NEDD9: variants seen among roughly 807,000 people sequenced by gnomAD.
The protein encoded by NEDD9 is neural precursor cell expressed, developmentally down-regulated 9.
Under a neutral mutation model 76.6 loss-of-function variants are expected in NEDD9, and 26 were observed. That is an observed-to-expected ratio of 0.34 (90% CI 0.25 to 0.47). The LOEUF (loss-of-function observed/expected upper bound fraction) is 0.47, where lower values mean the gene tolerates loss of function less well. Ranked by LOEUF, NEDD9 falls within the 20% of genes least tolerant of loss-of-function variation. The pLI, the probability that NEDD9 is intolerant of heterozygous loss-of-function variation, is 1.00. For missense variants in NEDD9, 937 were observed against 1,058.5 expected (o/e 0.89, Z 1.59); for synonymous variants, 392 against 414.2 (o/e 0.95, Z 0.65).
At chr6:11,240,188 C>T (rs1759685632) in intron 3 of NEDD9, among the ~76,000 whole-genome samples, 1 of 152,086 alleles carries the variant, frequency 6.6e-6, no homozygotes, top group Non-Finnish European at 1.5e-5. Context: ...GGACAAGCTG[C>T]CTGGGGTGGG....
Position 11,278,382 on chromosome 6 carries a change from G to A in NEDD9, c.12+27610C>T, listed in dbSNP as rs57134810. Among the ~76,000 whole-genome samples, 932 of 152,214 alleles carry A rather than the reference G, an allele frequency of 6.1e-3. 13 individuals carry two copies. The highest frequency in any genetic ancestry group is 0.021 in the African/African-American group (885 of 41,510). ...AGTCCTTCCAACACTTATAGATGAG[G>A]CTGGTGTTCAAAAAGGTTAAGATAC... On this transcript the variant is annotated intron_variant, in intron 3 of 3. Transcript: ENST00000397378.
At chr6:11,239,288 A>G (rs115305701) in intron 3 of NEDD9, among the ~76,000 whole-genome samples, 2,556 of 152,300 alleles carry the variant, frequency 0.017, 73 homozygotes, top group African/African-American at 0.058. Flanking sequence ...CTTTTCCGCA[A>G]TGAGATTTTG....
Position 11,185,643 on chromosome 6 carries a change from T to G in NEDD9, c.2024A>C (p.Glu675Ala), listed in dbSNP as rs1184916167. The change falls in exon 7 of 7, where the codon GAG becomes GCG. Residue 675 changes from glutamate (E) to alanine (A), a missense_variant. By Grantham distance (107) the Glu-to-Ala change is moderately radical (BLOSUM62 -1). Transcript: ENST00000379446. ...QLSQFQLLEQ[E>A]ITKPVENDIS... The stretch of plus-strand genomic sequence containing the variant: ...GTCATTCTCCACGGGCTTTGTAATC[T>G]CTTGTTCCAACAGCTGGAACTGGCT... 6.2e-7 allele frequency: 1 copy of G among 1,614,092 alleles called. No homozygotes were observed. The highest frequency in any genetic ancestry group is 2.2e-5 in the East Asian group (1 of 44,896).
intron 2 of NEDD9, among the ~76,000 whole-genome samples, chr6:11,319,255 C>G (rs1761680874): frequency 6.6e-6 from 1 of 152,188 alleles, no homozygotes; most frequent in African/African-American, 2.4e-5. Context: ...TGCCTGGCCC[C>G]AAGTTCAGGG....
chr6:11,360,165 C>T (rs1762653076), intron 1 of NEDD9, among the ~76,000 whole-genome samples: 1 of 152,130 alleles, frequency 6.6e-6, no homozygotes, highest in South Asian at 2.1e-4. Flanking sequence ...GTCTTGGGTG[C>T]CACTCAAAAG....
chr6:11,349,979 G>A (rs913372752), intron 1 of NEDD9, among the ~76,000 whole-genome samples: 1 of 152,184 alleles, frequency 6.6e-6, no homozygotes, highest in African/African-American at 2.4e-5. Flanking sequence ...TAGTTTGAAA[G>A]AGACAATGGA....
At chr6:11,200,853 C>A in intron 2 of NEDD9, 1 of 1,562,246 alleles carries the variant, frequency 6.4e-7, no homozygotes, top group South Asian at 1.2e-5. Flanking sequence ...CAATGGGAAA[C>A]CCCAGGAGAA....
At chr6:11,281,148 A>G (rs1335860934) in intron 3 of NEDD9, among the ~76,000 whole-genome samples, 3 of 152,234 alleles carry the variant, frequency 2.0e-5, no homozygotes, top group Admixed American at 6.5e-5. Flanking sequence ...AGAATGCCCA[A>G]ATGCTTGTGT....
intron 2 of NEDD9, among the ~76,000 whole-genome samples, chr6:11,207,877 C>T (rs1758656022): frequency 6.6e-6 from 1 of 152,016 alleles, no homozygotes; most frequent in Non-Finnish European, 1.5e-5. Context: ...GAAGTTCTGC[C>T]CCTCAGTAGA....
chr6:11,281,489 C>G (rs1760537280), intron 3 of NEDD9, among the ~76,000 whole-genome samples: 1 of 152,182 alleles, frequency 6.6e-6, no homozygotes. Flanking sequence ...GATGTGATAT[C>G]TGGAGCTACA....
intron 2 of NEDD9, among the ~76,000 whole-genome samples, chr6:11,206,495 C>G (rs1262286240): frequency 6.6e-6 from 1 of 152,190 alleles, no homozygotes; most frequent in Non-Finnish European, 1.5e-5. Flanking sequence ...TCTGTTTTCT[C>G]TCTCTCACAG....
At chr6:11,294,755 G>A (rs1399306678) in intron 3 of NEDD9, among the ~76,000 whole-genome samples, 2 of 152,158 alleles carry the variant, frequency 1.3e-5, no homozygotes, top group African/African-American at 4.8e-5. Flanking sequence ...GCCAACTGGG[G>A]TAAGATGATA....
intron 1 of NEDD9, among the ~76,000 whole-genome samples, chr6:11,344,305 A>C (rs557274184): frequency 1.2e-4 from 18 of 152,110 alleles, no homozygotes; most frequent in Non-Finnish European, 2.4e-4. Context: ...CACCTGGTCC[A>C]CTCTGTTGGA....
intron 3 of NEDD9, among the ~76,000 whole-genome samples, chr6:11,303,882 C>G (rs1443134913): frequency 6.6e-6 from 1 of 152,162 alleles, no homozygotes; most frequent in East Asian, 1.9e-4. Context: ...CAATACCATT[C>G]AGGACATAGA....
At chr6:11,353,010 C>A (rs184382712) in intron 1 of NEDD9, among the ~76,000 whole-genome samples, 1 of 152,384 alleles carries the variant, frequency 6.6e-6, no homozygotes, top group East Asian at 1.9e-4. Flanking sequence ...CCAGTGGATT[C>A]TCCTGCCCTC....
At chr6:11,299,831 C>T (rs1032739844) in intron 3 of NEDD9, among the ~76,000 whole-genome samples, 2 of 152,146 alleles carry the variant, frequency 1.3e-5, no homozygotes, top group Non-Finnish European at 2.9e-5. Context: ...AAAAGGACAT[C>T]CACACCGAAA....
At chr6:11,240,809 A>G (rs983763074) in intron 3 of NEDD9, among the ~76,000 whole-genome samples, 31 of 152,358 alleles carry the variant, frequency 2.0e-4, no homozygotes, top group Admixed American at 1.7e-3. Flanking sequence ...AAGTGATAAG[A>G]AAAATTAGAA....
rs1463994979 is a variant in NEDD9 at position 11,375,144 on chromosome 6, C to G, written c.-214+6995G>C. Among the ~76,000 whole-genome samples the G allele has an allele frequency of 2.6e-5, 4 of 152,128 alleles. 1 individual carries two copies. Among genetic ancestry groups the G allele is most frequent in the Non-Finnish European group, 5.9e-5 (4 of 68,030 alleles). On this transcript the variant is annotated intron_variant, in intron 1 of 3. Coordinates refer to the NEDD9 transcript ENST00000397378. Reference sequence around the variant, plus strand: ...CATTTTTGTCAATGACTTAGCACTGCCAACTGATAGAAATGATAGACTGTC... The same window carrying G: ...CATTTTTGTCAATGACTTAGCACTGGCAACTGATAGAAATGATAGACTGTC...
intron 2 of NEDD9, among the ~76,000 whole-genome samples, chr6:11,311,131 T>A (rs879051711): frequency 6.0e-5 from 9 of 150,922 alleles, no homozygotes; most frequent in Admixed American, 5.9e-4. Flanking sequence ...GTCCTTCAGC[T>A]CACACGGCCT....
Sources: allele counts gnomAD v4.1 joint callset (sites outside exome capture counted in the v4.1 genomes callset), GRCh38; gene constraint gnomAD v4.1.1; transcripts MANE v1.5; gene names NCBI Gene and HGNC (gene_info 2026-07-23, HGNC 2026-07-21).